TATDN2: variants seen among roughly 807,000 people sequenced by gnomAD.
TATDN2 encodes the protein TatD DNase domain containing 2.
A neutral mutation model predicts 60.3 loss-of-function variants in TATDN2; 44 were observed. The ratio of observed to expected loss-of-function variants is 0.73; its 90% confidence interval spans 0.57 to 0.94. TATDN2 has a LOEUF of 0.94. Among genes scored for constraint, TATDN2 ranks in the 40% least tolerant of loss-of-function variants. The pLI, the probability that TATDN2 is intolerant of heterozygous loss-of-function variation, is 0.00. For synonymous variants in TATDN2, 399 were observed against 355.8 expected, an observed-to-expected ratio of 1.12 and a Z score of -1.37; for missense variants, 997 against 948.0, an observed-to-expected ratio of 1.05 and a Z score of -0.68.
At chr3:10,257,604 A>T (rs1279858531) in intron 2 of TATDN2, among the ~76,000 whole-genome samples, 2 of 148,752 alleles carry the variant, frequency 1.3e-5, no homozygotes, top group Admixed American at 6.7e-5. Flanking sequence ...CTCCAAAAAA[A>T]AAAAAAACAA....
Position 10,270,804 on chromosome 3 carries a change from G to T in TATDN2, c.1622G>T (p.Arg541Leu). ...TGCATCTCTGACTTCTGTGATCCCC[G>T]CACCCTGACAGATTGCCTATGGGAG... ...QGCISDFCDP[R>L]TLTDCLWEEL... Residue 541 changes from arginine (R) to leucine (L), a missense_variant, in exon 4 of 8, where the codon CGC becomes CTC. Physicochemically the swap from Arg to Leu is moderately radical, Grantham distance 102 (BLOSUM62 -2). Coordinates refer to ENST00000448281, the MANE Select transcript of TATDN2 (RefSeq NM_014760.4). The T allele has an allele frequency of 1.2e-6, 2 of 1,614,118 alleles. No homozygotes were observed. Among genetic ancestry groups the T allele is most frequent in the East Asian group, 2.2e-5 (1 of 44,882 alleles).
intron 4 of TATDN2, among the ~76,000 whole-genome samples, chr3:10,274,022 A>T (rs1698601232): frequency 6.6e-6 from 1 of 152,170 alleles, no homozygotes; most frequent in Non-Finnish European, 1.5e-5. Flanking sequence ...CTCCCAGGAG[A>T]GACTAACTCT....
At chr3:10,261,314 G>A (rs1698398992) in intron 3 of TATDN2, among the ~76,000 whole-genome samples, 1 of 151,722 alleles carries the variant, frequency 6.6e-6, no homozygotes, top group Admixed American at 6.6e-5. Flanking sequence ...ACGGAAACTA[G>A]TGATTTTTAA....
chr3:10,273,795 TTTTC>T (rs1419183383), intron 4 of TATDN2, among the ~76,000 whole-genome samples: 2 of 152,256 alleles, frequency 1.3e-5, no homozygotes, highest in Non-Finnish European at 2.9e-5. Flanking sequence ...ACTGTTAACG[TTTTC>T]TTTGTTGATC....
chr3:10,271,984 G>A lies in TATDN2; in HGVS notation c.1833+969G>A, dbSNP rs191174136. On this transcript the variant is annotated intron_variant, in intron 4 of 7. Transcript: ENST00000448281. ...CCTCAAGTAATCCACCTGCCTCGGCGTCCGAAAAGTGCTGGGATTACAGAC... is the reference window on the plus strand; with the variant it reads ...CCTCAAGTAATCCACCTGCCTCGGCATCCGAAAAGTGCTGGGATTACAGAC... Among the ~76,000 whole-genome samples, 631 of 151,774 alleles carry A rather than the reference G, an allele frequency of 4.2e-3. 4 individuals carry two copies. The highest frequency in any genetic ancestry group is 0.014 in the African/African-American group (589 of 41,406).
intron 2 of TATDN2, among the ~76,000 whole-genome samples, chr3:10,255,620 T>G (rs1698297262): frequency 6.6e-6 from 1 of 152,000 alleles, no homozygotes; most frequent in African/African-American, 2.4e-5. Context: ...TAACAGTATT[T>G]ACATTTTGAG....
At chr3:10,276,334 A>C (rs9858697) in intron 4 of TATDN2, 27 bp from the exon 5 acceptor site, 1 of 1,612,042 alleles carries the variant, frequency 6.2e-7, no homozygotes, top group Non-Finnish European at 8.5e-7. Flanking sequence ...GCTAACCAAC[A>C]GGGGTTGTCG....
chr3:10,275,745 CA>C (rs1698625882), intron 4 of TATDN2, among the ~76,000 whole-genome samples: 2 of 75,836 alleles, frequency 2.6e-5, no homozygotes, highest in Non-Finnish European at 4.7e-5. Context: ...GATTCGGTCT[CA>C]AAAAAACAAA....
intron 3 of TATDN2, among the ~76,000 whole-genome samples, chr3:10,269,885 T>A (rs1698530967): frequency 6.6e-6 from 1 of 152,170 alleles, no homozygotes; most frequent in Non-Finnish European, 1.5e-5. Flanking sequence ...AGTAGCATGA[T>A]GAGGCCATGG....
intron 2 of TATDN2, among the ~76,000 whole-genome samples, chr3:10,258,094 T>C (rs549848037): frequency 6.6e-6 from 1 of 151,632 alleles, no homozygotes; most frequent in Admixed American, 6.6e-5. Flanking sequence ...TGGGCCCGCC[T>C]CGGCCTCCCA....
In TATDN2 at chr3:10,270,475, C is replaced by G; in HGVS notation, c.1293C>G (p.Ser431=). 1 of 1,614,188 alleles carries G rather than the reference C, an allele frequency of 6.2e-7. No individual in the cohort carries two copies. Among genetic ancestry groups the G allele is most frequent in the South Asian group, 1.1e-5 (1 of 91,080 alleles). The change falls in exon 4 of 8, where the codon TCC becomes TCG. Residue 431 remains serine (S), a synonymous_variant. Transcript: ENST00000448281. The stretch of plus-strand genomic sequence containing the variant: ...CTACAGGGAGTGTCCAAAACACCTC[C>G]AGAGACATGGAGGCCTCAGAGGAAG... The part of the protein sequence containing the change: ...PNSTGSVQNT[S]RDMEASEEGW...
At chr3:10,273,272 C>T (rs571546771) in intron 4 of TATDN2, among the ~76,000 whole-genome samples, 11 of 152,154 alleles carry the variant, frequency 7.2e-5, no homozygotes, top group Admixed American at 1.3e-4. Context: ...CCAGAGACTC[C>T]TAGGCTGGGT....
intron 1 of TATDN2, 39 bp from the exon 2 acceptor site, chr3:10,249,156 A>G (rs1382214265): frequency 6.8e-7 from 1 of 1,477,620 alleles, no homozygotes. Flanking sequence ...GGTCGCCAGG[A>G]AGGGTGGTGT....
At chr3:10,253,691 A>G (rs746292796) in intron 2 of TATDN2, among the ~76,000 whole-genome samples, 4 of 152,258 alleles carry the variant, frequency 2.6e-5, no homozygotes, top group South Asian at 2.1e-4. Flanking sequence ...TGTTTGATCT[A>G]TAGACTATCA....
rs62666361 is a variant in TATDN2 at position 10,258,473 on chromosome 3, C to CTT, written c.415-1651_415-1650dup. On this transcript the variant is annotated intron_variant, in intron 2 of 7. Coordinates refer to ENST00000448281, the MANE Select transcript of TATDN2 (RefSeq NM_014760.4). ...TTGTAATTTTATTTTTATTTTGCTT[C>CTT]TTTTTTTTTTTTTTGAGACAGAGTT... 4.5e-4 allele frequency among the ~76,000 whole-genome samples: 65 copies of CTT among 143,066 alleles called. No homozygotes were observed. The South Asian group carries it at 0.014, about 30-fold the overall frequency. 93.9% of individuals were successfully genotyped at this position (143,066 alleles called of 152,430 possible). A position where few individuals can be genotyped will look rare whatever the true frequency, so the allele number is the denominator to read the frequency against.
In TATDN2 at chr3:10,260,476, G is replaced by A. The variant is rs141238234; in HGVS notation, c.754G>A (p.Ala252Thr). 9.3e-6 allele frequency: 15 copies of A among 1,614,020 alleles called. No individual in the cohort carries two copies. The African/African-American group carries it at 1.7e-4, about 19-fold the overall frequency. The change falls in exon 3 of 8, where the codon GCA (alanine) becomes ACA (threonine). Residue 252 changes from alanine to threonine, a missense_variant. By Grantham distance (58) the Ala-to-Thr change is moderately conservative. Transcript: ENST00000448281. ...TVTAAQKEKD[A>T]TPEVSMEEDK... ...CACTGCTGCTCAGAAGGAGAAAGAC[G>A]CAACCCCAGAGGTCAGCATGGAGGA...
intron 3 of TATDN2, among the ~76,000 whole-genome samples, chr3:10,263,190 T>C (rs1386416779): frequency 6.6e-6 from 1 of 151,722 alleles, no homozygotes; most frequent in East Asian, 1.9e-4. Flanking sequence ...TGAGCCACCG[T>C]GCCCAACCTG....
intron 4 of TATDN2, among the ~76,000 whole-genome samples, chr3:10,276,006 C>T (rs1698631434): frequency 6.6e-6 from 1 of 152,124 alleles, no homozygotes; most frequent in Non-Finnish European, 1.5e-5. Flanking sequence ...CCCTGCCCTG[C>T]CCCTGCCACC....
In TATDN2 at chr3:10,270,625, C is replaced by T. The variant is rs753700811; in HGVS notation, c.1443C>T (p.Ser481=). The change falls in exon 4 of 8, where the codon TCC becomes TCT. Residue 481 remains serine, a synonymous_variant. Coordinates refer to ENST00000448281, the MANE Select transcript of TATDN2 (RefSeq NM_014760.4). ...CTTGTGGAGGACACGCATCCAGCTC[C>T]CTGCCAAAGAGCCACCTGGAGCCAA... The part of the protein sequence containing the change: ...PRPCGGHASS[S]LPKSHLEPSL... 6 of 1,614,116 alleles carry T rather than the reference C, an allele frequency of 3.7e-6. No homozygotes were observed. The East Asian group carries it at 1.3e-4, about 36-fold the overall frequency.
Sources: allele counts gnomAD v4.1 joint callset (sites outside exome capture counted in the v4.1 genomes callset), GRCh38; gene constraint gnomAD v4.1.1; transcripts MANE v1.5; gene names NCBI Gene and HGNC (gene_info 2026-07-23, HGNC 2026-07-21).